PLAGL1: variants seen among roughly 807,000 people sequenced by gnomAD.
The protein encoded by PLAGL1 is PLAG1 like zinc finger 1.
In PLAGL1, 1 loss-of-function variant was observed where a neutral mutation model predicts 4.6. That is an observed-to-expected ratio of 0.22 (90% CI 0.08 to 1.03). PLAGL1 has a LOEUF of 1.03. PLAGL1 is among the 50% of genes least tolerant of loss of function. The probability of loss-of-function intolerance (pLI) is 0.58; values close to 1 mark genes in which losing one functional copy is unlikely to be tolerated. For synonymous variants in PLAGL1, 240 were observed against 237.8 expected, an observed-to-expected ratio of 1.01 and a Z score of -0.08; for missense variants, 464 against 570.4, an observed-to-expected ratio of 0.81 and a Z score of 1.90.
chr6:143,976,285 CTTTTTTTTTT>C (rs58569870), intron 2 of PLAGL1, among the ~76,000 whole-genome samples: 1 of 113,258 alleles, frequency 8.8e-6, no homozygotes, highest in South Asian at 3.0e-4. Context: ...GATTTCTTTT[CTTTTTTTTTT>C]TTTTTTTGGT....
Position 143,982,677 on chromosome 6 carries a change from T to C in PLAGL1, c.-544+2458A>G, listed in dbSNP as rs945785649. Among the ~76,000 whole-genome samples, 3 of 152,018 alleles carry C rather than the reference T, an allele frequency of 2.0e-5. No homozygotes were observed. Among genetic ancestry groups the C allele is most frequent in the African/African-American group, 7.3e-5 (3 of 41,372 alleles). On this transcript the variant is annotated intron_variant, in intron 2 of 7. Coordinates refer to ENST00000674357, the MANE Select transcript of PLAGL1 (RefSeq NM_001317162.2). The surrounding 1 kb of genome is among the most constrained non-coding windows in gnomAD (Gnocchi z 5.3). ...TGGGGAGAAGTGGTCACCTTCTGGATTTATGGAAGGTGGGGCTGACAGTAT... is the reference window on the plus strand; with the variant it reads ...TGGGGAGAAGTGGTCACCTTCTGGACTTATGGAAGGTGGGGCTGACAGTAT...
chr6:144,020,644 C>T (rs1300676402), intron 1 of PLAGL1, among the ~76,000 whole-genome samples: 1 of 151,194 alleles, frequency 6.6e-6, no homozygotes, highest in Admixed American at 6.6e-5. Context: ...CAAGGACTTA[C>T]TATGTTGCCC....
chr6:144,043,900 C>A (rs1797929106), intron 1 of PLAGL1, among the ~76,000 whole-genome samples: 1 of 151,976 alleles, frequency 6.6e-6, no homozygotes, highest in African/African-American at 2.4e-5. Flanking sequence ...CCTGGTTTAG[C>A]CTTGGCAGGG....
intron 1 of PLAGL1, among the ~76,000 whole-genome samples, chr6:144,032,685 C>T (rs1796921649): frequency 6.6e-6 from 1 of 152,122 alleles, no homozygotes; most frequent in African/African-American, 2.4e-5. Context: ...CTTCAGCCTT[C>T]CAAGTAGCTG....
rs536506396 is a variant in PLAGL1 at position 143,944,405 on chromosome 6, T to G, written c.153-1742A>C. On this transcript the variant is annotated intron_variant, in intron 7 of 7. Coordinates refer to ENST00000674357, the MANE Select transcript of PLAGL1 (RefSeq NM_001317162.2). ...AGCTAATCTGAATCGAACTGTCATT[T>G]TCTTAAAAATAAAGTACAACCTCAT... is the stretch of plus-strand genomic sequence containing the variant. Among the ~76,000 whole-genome samples the G allele has an allele frequency of 2.0e-5, 3 of 152,174 alleles. No homozygotes were observed. In the South Asian group the frequency reaches 6.2e-4, roughly 32 times the overall value.
Position 143,958,383 on chromosome 6 carries a change from G to T in PLAGL1, c.-325+2086C>A, listed in dbSNP as rs929129368. 6.6e-6 allele frequency among the ~76,000 whole-genome samples: 1 copy of T among 152,196 alleles called. No homozygotes were observed. Among genetic ancestry groups the T allele is most frequent in the Admixed American group, 6.5e-5 (1 of 15,282 alleles). ...CACAAATTTGATGGGCAGTTTTAAA[G>T]TAACGTGCAGTAACTTTTCAAGCTC... is the stretch of plus-strand genomic sequence containing the variant. On this transcript the variant is annotated intron_variant, in intron 6 of 7. Coordinates refer to ENST00000674357, the MANE Select transcript of PLAGL1 (RefSeq NM_001317162.2). The surrounding 1 kb of genome is among the most constrained non-coding windows in gnomAD (Gnocchi z 5.1).
rs1373518984 is a variant in PLAGL1 at position 143,953,980 on chromosome 6, A to G, written c.-324-5520T>C. 6.6e-6 allele frequency among the ~76,000 whole-genome samples: 1 copy of G among 152,134 alleles called. No homozygotes were observed. Among genetic ancestry groups the G allele is most frequent in the Non-Finnish European group, 1.5e-5 (1 of 68,008 alleles). On this transcript the variant is annotated intron_variant, in intron 6 of 7. Coordinates refer to ENST00000674357, the MANE Select transcript of PLAGL1 (RefSeq NM_001317162.2). The surrounding 1 kb of genome is among the most constrained non-coding windows in gnomAD (Gnocchi z 5.3). ...CCTTCCCCTAGCACAAGTGCTCGCT[A>G]TGGAGACTGTATGAAAGTGGGGGAG...
rs963447143 is a variant in PLAGL1 at position 143,963,026 on chromosome 6, T to G, written c.-399+1761A>C. ...GATGGATCATGGTGAACAATGAGAT[T>G]ATTTCTTTGAAATGAAGCCTGAGTG... On this transcript the variant is annotated intron_variant, in intron 5 of 7. Transcript: ENST00000674357. This position sits in a 1 kb window ranked among gnomAD's most constrained non-coding sequence, Gnocchi z 6.1. 5.9e-5 allele frequency among the ~76,000 whole-genome samples: 9 copies of G among 152,356 alleles called. No homozygotes were observed. Among genetic ancestry groups the G allele is most frequent in the Non-Finnish European group, 1.3e-4 (9 of 68,040 alleles).
At chr6:144,021,628 T>C (rs1308253002) in intron 1 of PLAGL1, among the ~76,000 whole-genome samples, 1 of 152,214 alleles carries the variant, frequency 6.6e-6, no homozygotes, top group Non-Finnish European at 1.5e-5. Flanking sequence ...TGGAGGTCAT[T>C]TCTGATATCC....
intron 3 of PLAGL1, chr6:143,967,066 G>A (rs1784552092): frequency 6.6e-6 from 1 of 152,126 alleles, no homozygotes; most frequent in Non-Finnish European, 1.5e-5. Flanking sequence ...AGACAGTGTG[G>A]TCTAGTGTAG....
intron 1 of PLAGL1, among the ~76,000 whole-genome samples, chr6:144,054,774 A>AGTGT (rs1798830594): frequency 1.0e-5 from 1 of 100,268 alleles, no homozygotes; most frequent in Non-Finnish European, 1.9e-5. Context: ...AAACTAAAAA[A>AGTGT]GAGTGTGTGT....
intron 1 of PLAGL1, among the ~76,000 whole-genome samples, chr6:144,049,159 T>C (rs1307487276): frequency 6.6e-6 from 1 of 152,238 alleles, no homozygotes; most frequent in Non-Finnish European, 1.5e-5. Flanking sequence ...ACTTTCCTTA[T>C]CTTCATCTGA....
chr6:143,963,460 T>G lies in PLAGL1; in HGVS notation c.-399+1327A>C, dbSNP rs77981789. 6.6e-3 allele frequency among the ~76,000 whole-genome samples: 1,004 copies of G among 152,326 alleles called. 42 individuals are homozygous for G. The East Asian group carries it at 0.11, about 17-fold the overall frequency. On this transcript the variant is annotated intron_variant, in intron 5 of 7. Transcript: ENST00000674357. This position sits in a 1 kb window ranked among gnomAD's most constrained non-coding sequence, Gnocchi z 6.1. ...TGCAATAGCCATCAGAGCTCCCGGA[T>G]CCTCACCAGGTGATGGCTACTGTTT...
chr6:143,999,736 C>A (rs1395850385), intron 1 of PLAGL1, among the ~76,000 whole-genome samples: 1 of 152,120 alleles, frequency 6.6e-6, no homozygotes, highest in African/African-American at 2.4e-5. Context: ...AAATCCAAAT[C>A]ATGTGAATAA....
At position 143,997,984 on chromosome 6, in the gene PLAGL1, T is replaced by C. The variant is rs961829902; in HGVS notation, c.-584+10106A>G. Among the ~76,000 whole-genome samples the C allele has an allele frequency of 3.9e-5, 6 of 152,168 alleles. No individual in the cohort carries two copies. The highest frequency in any genetic ancestry group is 1.4e-4 in the African/African-American group (6 of 41,432). The stretch of plus-strand genomic sequence containing the variant: ...GAAAAAGTACTTTATGAAAGATAAT[T>C]AGACTCTTTTTACCTTATCCATTGC... On this transcript the variant is annotated intron_variant, in intron 1 of 7. Coordinates refer to ENST00000674357, the MANE Select transcript of PLAGL1 (RefSeq NM_001317162.2). The surrounding 1 kb of genome is among the most constrained non-coding windows in gnomAD (Gnocchi z 4.6).
Position 143,948,147 on chromosome 6 carries a change from T to A in PLAGL1, c.-11A>T. Reference sequence around the variant, plus strand: ...GGGGAACGTGGCCATGGGCTTTGCTTCTCACACCTTCCTTTTCAGATGTGC... The same window carrying A: ...GGGGAACGTGGCCATGGGCTTTGCTACTCACACCTTCCTTTTCAGATGTGC... On this transcript the variant is annotated 5_prime_UTR_variant, in exon 7 of 8. Transcript: ENST00000674357. This position sits in a 1 kb window ranked among gnomAD's most constrained non-coding sequence, Gnocchi z 6.0. The A allele has an allele frequency of 6.2e-7, 1 of 1,611,818 alleles. No homozygotes were observed. The highest frequency in any genetic ancestry group is 8.5e-7 in the Non-Finnish European group (1 of 1,178,856).
intron 2 of PLAGL1, among the ~76,000 whole-genome samples, chr6:143,969,695 G>C (rs1170677372): frequency 1.3e-5 from 2 of 151,824 alleles, no homozygotes; most frequent in African/African-American, 4.8e-5. Flanking sequence ...CTATTCCTTT[G>C]GGTAAGGGAA....
chr6:143,987,188 C>A (rs1789379705), intron 1 of PLAGL1, among the ~76,000 whole-genome samples: 1 of 152,028 alleles, frequency 6.6e-6, no homozygotes, highest in Non-Finnish European at 1.5e-5. Flanking sequence ...TAATCTCCCC[C>A]AGTTACTCAA....
At chr6:144,014,557 C>T (rs143847346) in intron 1 of PLAGL1, among the ~76,000 whole-genome samples, 1 of 152,114 alleles carries the variant, frequency 6.6e-6, no homozygotes, top group East Asian at 1.9e-4. Context: ...GAAATAGACC[C>T]ACACATAAGA....
Sources: gnomAD v4.1 joint callset for allele counts (sites outside exome capture counted in the v4.1 genomes callset) on GRCh38, gnomAD v4.1.1 for gene constraint, Gnocchi (gnomAD v3.1) non-coding constraint, MANE v1.5 for transcripts, NCBI Gene and HGNC (gene_info 2026-07-23, HGNC 2026-07-21) for gene names.